Variants in MOB3B observed in about 807,000 individuals in gnomAD.
MOB3B encodes the protein MOB kinase activator-like 2B.
A neutral mutation model predicts 18.7 loss-of-function variants in MOB3B; 7 were observed. The observed-to-expected ratio is 0.37, with a 90% CI of 0.21 to 0.70. MOB3B has a LOEUF of 0.70. Among genes scored for constraint, MOB3B ranks in the 30% least tolerant of loss-of-function variants. MOB3B has a pLI of 0.52. For missense variants in MOB3B, 253 were observed against 281.3 expected, an observed-to-expected ratio of 0.90 and a Z score of 0.72; for synonymous variants, 111 against 99.9, an observed-to-expected ratio of 1.11 and a Z score of -0.66.
chr9:27,370,238 G>T lies in MOB3B; in HGVS notation c.419-11002C>A, dbSNP rs529892147. On this transcript the variant is annotated intron_variant, in intron 2 of 3. Coordinates refer to ENST00000262244, the MANE Select transcript of MOB3B (RefSeq NM_024761.5). ...AAAAGGAGGGTCCTGGCTGGGCGCG[G>T]TCGCTCAGGCCTGTAATCCCAGCAC... Among the ~76,000 whole-genome samples the T allele has an allele frequency of 2.0e-3, 297 of 152,174 alleles. 1 individual carries two copies. The highest frequency in any genetic ancestry group is 6.9e-3 in the African/African-American group (288 of 41,524).
At chr9:27,496,029 A>G (rs1819892634) in intron 1 of MOB3B, among the ~76,000 whole-genome samples, 1 of 152,236 alleles carries the variant, frequency 6.6e-6, no homozygotes, top group African/African-American at 2.4e-5. Context: ...TTCTCTTCTA[A>G]GGCACATAGA....
At chr9:27,442,929 C>T (rs555551307) in intron 2 of MOB3B, among the ~76,000 whole-genome samples, 2 of 152,220 alleles carry the variant, frequency 1.3e-5, no homozygotes, top group East Asian at 3.9e-4. Context: ...AAAGTAACAG[C>T]CCTGTGGGAT....
At chr9:27,514,962 G>A (rs1820208884) in intron 1 of MOB3B, among the ~76,000 whole-genome samples, 1 of 152,154 alleles carries the variant, frequency 6.6e-6, no homozygotes, top group Non-Finnish European at 1.5e-5. Context: ...AGGCCCACAG[G>A]AGAAATTCCT....
At chr9:27,407,164 C>A (rs550271535) in intron 2 of MOB3B, among the ~76,000 whole-genome samples, 6 of 152,110 alleles carry the variant, frequency 3.9e-5, no homozygotes, top group Non-Finnish European at 8.8e-5. Flanking sequence ...AGATTTCAGC[C>A]CCACTCTGTG....
chr9:27,458,555 C>A (rs115269706), intron 1 of MOB3B, among the ~76,000 whole-genome samples: 2,842 of 130,252 alleles, frequency 0.022, 104 homozygotes, highest in African/African-American at 0.075. Flanking sequence ...ATCACCTGAA[C>A]CTGGGAGGTC....
At chr9:27,499,406 C>G (rs1246451508) in intron 1 of MOB3B, among the ~76,000 whole-genome samples, 1 of 152,164 alleles carries the variant, frequency 6.6e-6, no homozygotes, top group East Asian at 1.9e-4. Flanking sequence ...AAACAAATTA[C>G]TTCTATAATA....
chr9:27,502,169 G>A (rs974574451), intron 1 of MOB3B, among the ~76,000 whole-genome samples: 3 of 152,098 alleles, frequency 2.0e-5, no homozygotes, highest in Admixed American at 6.5e-5. Context: ...ATACTTCACT[G>A]CCTGTTTTCA....
At chr9:27,415,336 C>T (rs899626875) in intron 2 of MOB3B, among the ~76,000 whole-genome samples, 3 of 152,006 alleles carry the variant, frequency 2.0e-5, no homozygotes, top group South Asian at 2.1e-4. Flanking sequence ...ATGTCAATTT[C>T]CTGCCTCTGA....
At chr9:27,524,776 T>A in intron 1 of MOB3B, 1 of 1,613,688 alleles carries the variant, frequency 6.2e-7, no homozygotes, top group Admixed American at 1.7e-5. Context: ...GAGAATGAGA[T>A]GAAACCCTCA....
In MOB3B at chr9:27,400,571, G is replaced by A. The variant is rs192426441; in HGVS notation, c.419-41335C>T. Among the ~76,000 whole-genome samples the A allele has an allele frequency of 2.0e-5, 3 of 152,282 alleles. No individual in the cohort carries two copies. The East Asian group carries it at 5.8e-4, about 29-fold the overall frequency. ...TGAAATGAATCATTCCCTTCTCAGA[G>A]GAACATTTGTATATTTCTACTCTAG... On this transcript the variant is annotated intron_variant, in intron 2 of 3. Transcript: ENST00000262244.
intron 2 of MOB3B, among the ~76,000 whole-genome samples, chr9:27,363,429 C>A (rs372569780): frequency 6.6e-6 from 1 of 151,838 alleles, no homozygotes; most frequent in Non-Finnish European, 1.5e-5. Context: ...CCGCCACGCC[C>A]GGCTAATTTT....
intron 2 of MOB3B, among the ~76,000 whole-genome samples, chr9:27,412,324 C>CA (rs1329231898): frequency 7.8e-6 from 1 of 128,758 alleles, no homozygotes; most frequent in Non-Finnish European, 1.6e-5. Context: ...TTCCCCAGAG[C>CA]AATATCTTAA....
At chr9:27,422,942 G>A (rs1388384160) in intron 2 of MOB3B, among the ~76,000 whole-genome samples, 1 of 152,154 alleles carries the variant, frequency 6.6e-6, no homozygotes, top group African/African-American at 2.4e-5. Context: ...AAAAAGTGTT[G>A]TTCAATAGTC....
intron 3 of MOB3B, 86 bp downstream of exon 3, chr9:27,358,948 C>A: frequency 7.3e-7 from 1 of 1,364,262 alleles, no homozygotes; most frequent in Non-Finnish European, 1.0e-6. Context: ...CATCAATGAG[C>A]ATTTTCCAGG....
intron 1 of MOB3B, among the ~76,000 whole-genome samples, chr9:27,519,532 T>C (rs538506885): frequency 6.6e-6 from 1 of 152,292 alleles, no homozygotes; most frequent in East Asian, 1.9e-4. Flanking sequence ...CCTATGAGCA[T>C]TTAAGAGAAA....
intron 1 of MOB3B, among the ~76,000 whole-genome samples, chr9:27,495,821 C>G (rs12335701): frequency 0.021 from 3,191 of 152,238 alleles, 103 homozygotes; most frequent in African/African-American, 0.073. Context: ...AAGATTAATC[C>G]TGGACATTCA....
chr9:27,382,081 T>C (rs1210300525), intron 2 of MOB3B, among the ~76,000 whole-genome samples: 1 of 152,186 alleles, frequency 6.6e-6, no homozygotes, highest in East Asian at 1.9e-4. Context: ...TTGAGCACAT[T>C]ATTTCGTCTA....
intron 1 of MOB3B, among the ~76,000 whole-genome samples, chr9:27,493,108 T>C (rs1434520863): frequency 6.6e-6 from 1 of 152,200 alleles, no homozygotes; most frequent in Admixed American, 6.5e-5. Context: ...CTCTGCTCAA[T>C]GTATGTAAGA....
chr9:27,487,002 A>C (rs1276858846), intron 1 of MOB3B, among the ~76,000 whole-genome samples: 1 of 152,034 alleles, frequency 6.6e-6, no homozygotes, highest in Non-Finnish European at 1.5e-5. Flanking sequence ...GTGGTGTCAC[A>C]TGTCTGTAAT....
Sources: allele counts gnomAD v4.1 joint callset (sites outside exome capture counted in the v4.1 genomes callset), GRCh38; gene constraint gnomAD v4.1.1; transcripts MANE v1.5; gene names NCBI Gene and HGNC (gene_info 2026-07-23, HGNC 2026-07-21).